Variants in CCAR1 observed in about 807,000 individuals in gnomAD.
CCAR1 encodes the protein cell division cycle and apoptosis regulator protein 1.
In CCAR1, 78 loss-of-function variants were observed where a neutral mutation model predicts 163.8. The ratio of observed to expected loss-of-function variants is 0.48; its 90% CI spans 0.40 to 0.57. The LOEUF is 0.57. Ranked by LOEUF, CCAR1 falls within the 20% of genes least tolerant of loss-of-function variation. The pLI is 0.00. For synonymous variants in CCAR1, 443 were observed against 460.7 expected, an observed-to-expected ratio of 0.96 and a Z score of 0.49; for missense variants, 1,019 against 1,365.2, an observed-to-expected ratio of 0.75 and a Z score of 4.00.
At chr10:68,783,904 G>T (rs778689438) in intron 19 of CCAR1, among the ~76,000 whole-genome samples, 1 of 151,680 alleles carries the variant, frequency 6.6e-6, no homozygotes, top group African/African-American at 2.4e-5. Context: ...ACAGGCGGCC[G>T]CCACCACGCC....
intron 24 of CCAR1, 132 bp from the exon 25 acceptor site, chr10:68,791,075 A>C: frequency 2.1e-6 from 1 of 484,068 alleles, no homozygotes; most frequent in Non-Finnish European, 3.7e-6. Context: ...ATTTTAAGAT[A>C]CTAAAATTAA....
intron 10 of CCAR1, among the ~76,000 whole-genome samples, chr10:68,750,362 C>T (rs770624353): frequency 6.6e-6 from 1 of 151,950 alleles, no homozygotes; most frequent in South Asian, 2.1e-4. Context: ...GCTGGGATTA[C>T]AGGTGCTCAG....
At chr10:68,788,633 C>A (rs558970217) in intron 23 of CCAR1, among the ~76,000 whole-genome samples, 42 of 151,374 alleles carry the variant, frequency 2.8e-4, no homozygotes, top group Admixed American at 2.4e-3. Flanking sequence ...TACAGGCATG[C>A]GCCACCATGC....
chr10:68,722,769 A>G (rs1216720636), intron 2 of CCAR1, among the ~76,000 whole-genome samples, 192 bp downstream of exon 2: 1 of 152,232 alleles, frequency 6.6e-6, no homozygotes, highest in Non-Finnish European at 1.5e-5. Context: ...TAAAAATACT[A>G]AAATTAGCCG....
intron 2 of CCAR1, among the ~76,000 whole-genome samples, chr10:68,726,512 T>TA (rs1215801225): frequency 6.6e-6 from 1 of 152,144 alleles, no homozygotes; most frequent in East Asian, 1.9e-4. Context: ...CTTACTTCCC[T>TA]AAGGAAGCTT....
Position 68,771,274 on chromosome 10 carries a change from A to C in CCAR1, c.2367A>C (p.Ser789=). ...ATTTTGGTGTCCGTATATACAAATC[A>C]TTACTGTCTCTTCCTGAGAAAGAGG... is the stretch of plus-strand genomic sequence containing the variant. ...QRDFGVRIYK[S]LLSLPEKEDK... Residue 789 remains serine (S), a synonymous_variant, in exon 18 of 25, where the codon TCA becomes TCC. Transcript: ENST00000265872. The C allele has an allele frequency of 6.2e-7, 1 of 1,606,624 alleles. No homozygotes were observed. The highest frequency in any genetic ancestry group is 8.5e-7 in the Non-Finnish European group (1 of 1,176,494).
At chr10:68,733,034 C>T (rs1437178298) in intron 2 of CCAR1, among the ~76,000 whole-genome samples, 1 of 152,160 alleles carries the variant, frequency 6.6e-6, no homozygotes, top group Non-Finnish European at 1.5e-5. Context: ...ATATTCCCCA[C>T]GTCTATTTAA....
In CCAR1 at chr10:68,736,923, A is replaced by G. The variant is rs1383152823; in HGVS notation, c.121A>G (p.Ile41Val). 2.5e-6 allele frequency: 4 copies of G among 1,614,044 alleles called. No individual in the cohort carries two copies. The highest frequency in any genetic ancestry group is 3.4e-6 in the Non-Finnish European group (4 of 1,179,990). Reference sequence around the variant, plus strand: ...ATCACTCCTTGGAGCATCTCCTACCATTTATACACAGCAAACTGCATTGGC... The same window carrying G: ...ATCACTCCTTGGAGCATCTCCTACCGTTTATACACAGCAAACTGCATTGGC... ...QPSLLGASPT[I>V]YTQQTALAAA... Residue 41 changes from isoleucine to valine, a missense_variant, in exon 3 of 25, where the codon ATT becomes GTT. Coordinates refer to ENST00000265872, the MANE Select transcript of CCAR1 (RefSeq NM_018237.4).
At chr10:68,739,201 G>A (rs2056151546) in intron 4 of CCAR1, among the ~76,000 whole-genome samples, 1 of 152,174 alleles carries the variant, frequency 6.6e-6, no homozygotes, top group Non-Finnish European at 1.5e-5. Context: ...CCAGGCTAGA[G>A]TGCAATGGTG....
At chr10:68,740,708 A>C in intron 5 of CCAR1, 47 bp downstream of exon 5, 1 of 1,428,676 alleles carries the variant, frequency 7.0e-7, no homozygotes, top group Non-Finnish European at 9.7e-7. Flanking sequence ...AATGAACAGT[A>C]GACTAAAGCT....
At position 68,765,968 on chromosome 10, in the gene CCAR1, C is replaced by T. The variant is rs778442358; in HGVS notation, c.2187C>T (p.Ile729=). 6.8e-6 allele frequency: 11 copies of T among 1,613,876 alleles called. No individual in the cohort carries two copies. In the African/African-American group the frequency reaches 1.5e-4, roughly 22 times the overall value. Residue 729 remains isoleucine, a synonymous_variant, in exon 17 of 25, where the codon ATC becomes ATT. Coordinates refer to ENST00000265872, the MANE Select transcript of CCAR1 (RefSeq NM_018237.4). The part of the protein sequence containing the change: ...RRYILPDEPA[I]IVHPNWAAKS... ...ATATTTTGCCTGATGAACCGGCCAT[C>T]ATTGTACATCCAAATTGGGCTGCAA...
At chr10:68,786,102 T>C (rs1451010839) in intron 19 of CCAR1, 34 bp from the exon 20 acceptor site, 1 of 1,427,364 alleles carries the variant, frequency 7.0e-7, no homozygotes, top group Non-Finnish European at 9.9e-7. Context: ...TGTGTATTAA[T>C]GACTTTTTTG....
At position 68,756,206 on chromosome 10, in the gene CCAR1, A is replaced by G; in HGVS notation, c.1626-67A>G. ...AAATTTCTTTACTTGATGTGCTACA[A>G]GTGAACTAGGGTCTTTAAAATGTAT... On this transcript the variant is annotated intron_variant, in intron 13 of 24. Transcript: ENST00000265872. This position sits in a 1 kb window ranked among gnomAD's most constrained non-coding sequence, Gnocchi z 5.1. 2 of 1,300,450 alleles carry G rather than the reference A, an allele frequency of 1.5e-6. No individual in the cohort carries two copies. The highest frequency in any genetic ancestry group is 2.7e-5 in the South Asian group (2 of 75,204). 80.6% of individuals were successfully genotyped at this position (1,300,450 alleles called of 1,614,324 possible).
intron 2 of CCAR1, among the ~76,000 whole-genome samples, chr10:68,730,004 C>G (rs2056013004): frequency 6.6e-6 from 1 of 151,956 alleles, no homozygotes; most frequent in Non-Finnish European, 1.5e-5. Context: ...ACTGTAACCT[C>G]CGCCTCCCGT....
chr10:68,752,159 C>T (rs1420422341), intron 10 of CCAR1, among the ~76,000 whole-genome samples: 2 of 151,844 alleles, frequency 1.3e-5, no homozygotes, highest in Admixed American at 1.3e-4. Context: ...ACCTCATGAT[C>T]CGCCCACCTC....
At chr10:68,764,438 T>C (rs895024422) in intron 16 of CCAR1, among the ~76,000 whole-genome samples, 2 of 151,856 alleles carry the variant, frequency 1.3e-5, no homozygotes, top group Admixed American at 6.6e-5. Context: ...TCTCAGCTAC[T>C]GGGGAGGATT....
chr10:68,771,145 TC>T, intron 17 of CCAR1, 60 bp from the exon 18 acceptor site: 1 of 1,415,676 alleles, frequency 7.1e-7, no homozygotes, highest in Non-Finnish European at 9.6e-7. Flanking sequence ...GCTAAATTAC[TC>T]TGCTAGCTTT....
At chr10:68,723,093 T>TC (rs928387398) in intron 2 of CCAR1, among the ~76,000 whole-genome samples, 10 of 151,762 alleles carry the variant, frequency 6.6e-5, no homozygotes, top group Admixed American at 3.9e-4. Context: ...GTTTTTTTTT[T>TC]CCCCAAACAT....
At chr10:68,774,882 G>C in intron 19 of CCAR1, 1 of 359,754 alleles carries the variant, frequency 2.8e-6, no homozygotes, top group Non-Finnish European at 5.2e-6. Context: ...GTAGATTTGT[G>C]GCTTTTTAAA....
Sources: allele counts gnomAD v4.1 joint callset (sites outside exome capture counted in the v4.1 genomes callset), GRCh38; gene constraint gnomAD v4.1.1; non-coding constraint Gnocchi (gnomAD v3.1); transcripts MANE v1.5; gene names NCBI Gene and HGNC (gene_info 2026-07-23, HGNC 2026-07-21).